ATP8B2: variants seen among roughly 807,000 people sequenced by gnomAD.
The protein encoded by ATP8B2 is phospholipid-transporting ATPase ID.
Under a neutral mutation model 133.4 loss-of-function variants are expected in ATP8B2, and 70 were observed. The ratio of observed to expected loss-of-function variants is 0.52; its 90% CI spans 0.43 to 0.64. The LOEUF (loss-of-function observed/expected upper bound fraction) is 0.64. Ranked by LOEUF, ATP8B2 falls within the 30% of genes least tolerant of loss-of-function variation. The probability of loss-of-function intolerance (pLI) is 0.00; values close to 1 mark genes in which losing one functional copy is unlikely to be tolerated. For synonymous variants in ATP8B2, 517 were observed against 589.5 expected, an observed-to-expected ratio of 0.88 and a Z score of 1.78; for missense variants, 1,101 against 1,535.7, an observed-to-expected ratio of 0.72 and a Z score of 4.73.
Position 154,330,733 on chromosome 1 carries a change from T to A in ATP8B2, c.91-82T>A. ...CTTTTGGGGTAGAGGTCTGGGGAAG[T>A]ATAAAGATGGGGGAGGCAGCCTCAG... On this transcript the variant is annotated intron_variant, in intron 3 of 27. Transcript: ENST00000368489. The A allele has an allele frequency of 3.3e-6, 4 of 1,203,844 alleles. No individual in the cohort carries two copies. In the East Asian group the frequency reaches 9.3e-5, roughly 28 times the overall value. 74.6% of individuals were successfully genotyped at this position (1,203,844 alleles called of 1,614,324 possible).
chr1:154,331,675 G>A lies in ATP8B2; in HGVS notation c.435G>A (p.Val145=). Residue 145 remains valine, a synonymous_variant, in exon 7 of 28, where the codon GTG becomes GTA. Coordinates refer to ENST00000368489, the MANE Select transcript of ATP8B2 (RefSeq NM_001370597.1). The surrounding 1 kb of genome is among the most constrained non-coding windows in gnomAD (Gnocchi z 4.8). ...TCAAGCTAGAAAATAACCAGTTTGT[G>A]GCGGTAAGGGACAGGGTACCCCTCT... ...DIIKLENNQF[V]AADLLLLSSS... is the part of the protein sequence containing the mutation. The A allele has an allele frequency of 1.2e-6, 2 of 1,614,018 alleles. No homozygotes were observed. Among genetic ancestry groups the A allele is most frequent in the Non-Finnish European group, 1.7e-6 (2 of 1,179,868 alleles).
intron 1 of ATP8B2, among the ~76,000 whole-genome samples, chr1:154,326,398 C>A (rs1011844328): frequency 1.3e-5 from 2 of 152,146 alleles, no homozygotes; most frequent in East Asian, 3.9e-4. Flanking sequence ...CTCCATGGAG[C>A]ATTGCCTGCT....
In ATP8B2 at chr1:154,344,992, A is replaced by G. The variant is rs1013930367; in HGVS notation, c.2308A>G (p.Met770Val). The change falls in exon 22 of 28, where the codon ATG becomes GTG. Residue 770 changes from methionine (M) to valine (V), a missense_variant. Coordinates refer to ENST00000368489, the MANE Select transcript of ATP8B2 (RefSeq NM_001370597.1). The surrounding 1 kb of genome is among the most constrained non-coding windows in gnomAD (Gnocchi z 4.1). ...HSLAHALEAD[M>V]ELEFLETACA... ...CCAGGCCCACGCACTGGAGGCAGAC[A>G]TGGAGCTGGAGTTTCTGGAGACAGC... 6 of 1,613,736 alleles carry G rather than the reference A, an allele frequency of 3.7e-6. No homozygotes were observed. In the African/African-American group the frequency reaches 5.3e-5, roughly 14 times the overall value.
rs776679821 is a variant in ATP8B2, at chr1:154,331,540, G to A, written c.365+35G>A. Reference sequence around the variant, plus strand: ...TGTTGGAGACAAGAGCTCTGGGGACGAAGGGGGTCCCTTAGGAACCTCTTT... The same window carrying A: ...TGTTGGAGACAAGAGCTCTGGGGACAAAGGGGGTCCCTTAGGAACCTCTTT... On this transcript the variant is annotated intron_variant, in intron 6 of 27. Coordinates refer to ENST00000368489, the MANE Select transcript of ATP8B2 (RefSeq NM_001370597.1). The surrounding 1 kb of genome is among the most constrained non-coding windows in gnomAD (Gnocchi z 4.8). 7 of 1,613,488 alleles carry A rather than the reference G, an allele frequency of 4.3e-6. No individual in the cohort carries two copies. Among genetic ancestry groups the A allele is most frequent in the African/African-American group, 1.3e-5 (1 of 74,920 alleles).
intron 13 of ATP8B2, among the ~76,000 whole-genome samples, chr1:154,342,111 A>G (rs938450003): frequency 3.3e-5 from 5 of 151,840 alleles, no homozygotes; most frequent in African/African-American, 1.2e-4. Flanking sequence ...TTCTGTACTG[A>G]CTGATGCCTT....
rs780772656 is a variant in ATP8B2, at chr1:154,344,977, G to A, written c.2293G>A (p.Ala765Thr). 39 of 1,612,122 alleles carry A rather than the reference G, an allele frequency of 2.4e-5. No individual in the cohort carries two copies. Among genetic ancestry groups the A allele is most frequent in the African/African-American group, 4.0e-5 (3 of 74,914 alleles). The change falls in exon 22 of 28, where the codon GCA becomes ACA. Residue 765 changes from alanine to threonine, a missense_variant. By Grantham distance (58) the Ala-to-Thr change is moderately conservative. Coordinates refer to ENST00000368489, the MANE Select transcript of ATP8B2 (RefSeq NM_001370597.1). This position sits in a 1 kb window ranked among gnomAD's most constrained non-coding sequence, Gnocchi z 4.1. Reference sequence around the variant, plus strand: ...AGGTTTCTCTGTGCTCCAGGCCCACGCACTGGAGGCAGACATGGAGCTGGA... The same window carrying A: ...AGGTTTCTCTGTGCTCCAGGCCCACACACTGGAGGCAGACATGGAGCTGGA... ...LVINGHSLAH[A>T]LEADMELEFL... is the part of the protein sequence containing the mutation.
In ATP8B2 at chr1:154,331,871, T is replaced by A; in HGVS notation, c.439-83T>A. 7.0e-7 allele frequency: 1 copy of A among 1,435,354 alleles called. No individual in the cohort carries two copies. Among genetic ancestry groups the A allele is most frequent in the Non-Finnish European group, 9.8e-7 (1 of 1,019,072 alleles). 88.9% of individuals were successfully genotyped at this position (1,435,354 alleles called of 1,614,324 possible). ...CACCTGGAACTAAGCAAACCAAGAA[T>A]GCTTAGTGGAAGGAGCCACCATTAC... On this transcript the variant is annotated intron_variant, in intron 7 of 27. Transcript: ENST00000368489. The surrounding 1 kb of genome is among the most constrained non-coding windows in gnomAD (Gnocchi z 4.8).
intron 2 of ATP8B2, among the ~76,000 whole-genome samples, chr1:154,329,708 C>T (rs1051819291): frequency 2.6e-5 from 4 of 152,180 alleles, no homozygotes; most frequent in Non-Finnish European, 5.9e-5. Flanking sequence ...ATTCCTCCCT[C>T]CTCTATCTCT....
In ATP8B2 at chr1:154,334,632, T is replaced by G; in HGVS notation, c.837+41T>G. 3 of 1,551,122 alleles carry G rather than the reference T, an allele frequency of 1.9e-6. No individual in the cohort carries two copies. Among genetic ancestry groups the G allele is most frequent in the Non-Finnish European group, 2.7e-6 (3 of 1,124,418 alleles). ...TCTGGCTCCCTGCCCCTGCCCTCTC[T>G]TCTCCTTGGGTGCTCCTTTTCCTTT... On this transcript the variant is annotated intron_variant, in intron 11 of 27. Transcript: ENST00000368489. This position sits in a 1 kb window ranked among gnomAD's most constrained non-coding sequence, Gnocchi z 4.6.
intron 2 of ATP8B2, among the ~76,000 whole-genome samples, chr1:154,329,485 C>A (rs1465698307): frequency 2.0e-5 from 3 of 152,020 alleles, no homozygotes; most frequent in Non-Finnish European, 4.4e-5. Context: ...TCATGGTGAC[C>A]CCCGGGGAGA....
chr1:154,347,683 A>G (rs1686629687), intron 26 of ATP8B2, among the ~76,000 whole-genome samples: 1 of 152,118 alleles, frequency 6.6e-6, no homozygotes. Flanking sequence ...GCTCAAGCCT[A>G]TAATCCCAGT....
chr1:154,327,139 C>T (rs965514077), intron 1 of ATP8B2, among the ~76,000 whole-genome samples: 1 of 152,194 alleles, frequency 6.6e-6, no homozygotes, highest in African/African-American at 2.4e-5. Context: ...CAATTAGTAT[C>T]TCTTGGGGCT....
At position 154,341,417 on chromosome 1, in the gene ATP8B2, T is replaced by C. The variant is rs1184404464; in HGVS notation, c.1243+355T>C. 4.2e-5 allele frequency: 15 copies of C among 360,250 alleles called. No homozygotes were observed. In the East Asian group the frequency reaches 9.0e-4, roughly 21 times the overall value. The allele number at this position is 360,250 out of a possible 1,614,324, so 22.3% of individuals were successfully genotyped here. A position where few individuals can be genotyped will look rare whatever the true frequency, so the allele number is the denominator to read the frequency against. Reference sequence around the variant, plus strand: ...CTGAGATGGGAGGATCACTTGAGCCTGGGAGGTCAAGGCTGCAGTGAGCCA... The same window carrying C: ...CTGAGATGGGAGGATCACTTGAGCCCGGGAGGTCAAGGCTGCAGTGAGCCA... On this transcript the variant is annotated intron_variant, in intron 13 of 27. Coordinates refer to ENST00000368489, the MANE Select transcript of ATP8B2 (RefSeq NM_001370597.1).
In ATP8B2 at chr1:154,345,085, G is replaced by C; in HGVS notation, c.2401G>C (p.Val801Leu). ...GCAGAAGGCACAGGTGGTAGAACTG[G>C]TCAAGAAGTACAAGAAGGCTGTGAC... ...PLQKAQVVEL[V>L]KKYKKAVTLA... is the part of the protein sequence containing the mutation. The change falls in exon 22 of 28, where the codon GTC (valine) becomes CTC (leucine). Residue 801 changes from valine (V) to leucine (L), a missense_variant. Coordinates refer to ENST00000368489, the MANE Select transcript of ATP8B2 (RefSeq NM_001370597.1). This position sits in a 1 kb window ranked among gnomAD's most constrained non-coding sequence, Gnocchi z 5.6. 1 of 1,614,218 alleles carries C rather than the reference G, an allele frequency of 6.2e-7. No individual in the cohort carries two copies. The highest frequency in any genetic ancestry group is 8.5e-7 in the Non-Finnish European group (1 of 1,180,038).
chr1:154,344,012 G>A lies in ATP8B2; in HGVS notation c.1878G>A (p.Glu626=), dbSNP rs376417419. 2 of 1,614,060 alleles carry A rather than the reference G, an allele frequency of 1.2e-6. No homozygotes were observed. The highest frequency in any genetic ancestry group is 2.2e-5 in the East Asian group (1 of 44,892). The change falls in exon 18 of 28, where the codon GAG becomes GAA. Residue 626 remains glutamate (E), a synonymous_variant. Transcript: ENST00000368489. The surrounding 1 kb of genome is among the most constrained non-coding windows in gnomAD (Gnocchi z 4.1). ...CCAGCCTGGCCCAGGACAGCCGGGA[G>A]GACAGGCTGGCTAGCATCTATGAGG... ...LQASLAQDSR[E]DRLASIYEEV...
At position 154,346,414 on chromosome 1, in the gene ATP8B2, GCTGA is replaced by G; in HGVS notation, c.2965_2968del (p.Asp989ThrfsTer79). ...CACCCGGGATGATGGCACTCAGCTG[GCTGA>G]CTACCAGTCCTTTGCAGTCACTGTG... On this transcript the variant is annotated frameshift_variant, in exon 25 of 28. Transcript: ENST00000368489. LOFTEE classifies it high-confidence loss of function. The surrounding 1 kb of genome is among the most constrained non-coding windows in gnomAD (Gnocchi z 4.5). 6.2e-7 allele frequency: 1 copy of G among 1,614,172 alleles called. No homozygotes were observed. The highest frequency in any genetic ancestry group is 8.5e-7 in the Non-Finnish European group (1 of 1,180,022).
At position 154,343,238 on chromosome 1, in the gene ATP8B2, A is replaced by G. The variant is rs1264280372; in HGVS notation, c.1579A>G (p.Ile527Val). The G allele has an allele frequency of 6.2e-7, 1 of 1,614,028 alleles. No individual in the cohort carries two copies. The highest frequency in any genetic ancestry group is 1.3e-5 in the African/African-American group (1 of 74,906). Reference protein sequence around the residue: ...TITVHEMGTAITYQLLAILDF... With the variant: ...TITVHEMGTAVTYQLLAILDF... ...CACCGTCCATGAGATGGGCACAGCC[A>G]TCACCTACCAGCTGCTGGCCATCCT... The change falls in exon 16 of 28, where the codon ATC becomes GTC. Residue 527 changes from isoleucine (I) to valine (V), a missense_variant. Physicochemically the swap from Ile to Val is conservative, Grantham distance 29 (BLOSUM62 3). Coordinates refer to ENST00000368489, the MANE Select transcript of ATP8B2 (RefSeq NM_001370597.1). This position sits in a 1 kb window ranked among gnomAD's most constrained non-coding sequence, Gnocchi z 5.8.
chr1:154,328,464 C>T lies in ATP8B2; in HGVS notation c.31+292C>T, dbSNP rs1685865737. Reference sequence around the variant, plus strand: ...CTGGCCTAGGGAGCTGTGTTCTCATCTCTGCTTGGTCCTCTCACCCCTTCC... The same window carrying T: ...CTGGCCTAGGGAGCTGTGTTCTCATTTCTGCTTGGTCCTCTCACCCCTTCC... On this transcript the variant is annotated intron_variant, in intron 2 of 27. Transcript: ENST00000368489. The surrounding 1 kb of genome is among the most constrained non-coding windows in gnomAD (Gnocchi z 4.6). Among the ~76,000 whole-genome samples the T allele has an allele frequency of 1.3e-5, 2 of 152,228 alleles. No individual in the cohort carries two copies. The highest frequency in any genetic ancestry group is 4.1e-4 in the South Asian group (2 of 4,834).
chr1:154,331,776 C>T lies in ATP8B2; in HGVS notation c.438+98C>T, dbSNP rs1351756811. Reference sequence around the variant, plus strand: ...GATTTACTGTTGCCTCTTAAACACCCGTGGCAGGAATCTTTCTCACACCAG... The same window carrying T: ...GATTTACTGTTGCCTCTTAAACACCTGTGGCAGGAATCTTTCTCACACCAG... On this transcript the variant is annotated intron_variant, in intron 7 of 27. Transcript: ENST00000368489. This position sits in a 1 kb window ranked among gnomAD's most constrained non-coding sequence, Gnocchi z 4.8. 9 of 1,406,110 alleles carry T rather than the reference C, an allele frequency of 6.4e-6. No homozygotes were observed. The highest frequency in any genetic ancestry group is 2.3e-5 in the South Asian group (2 of 86,392). 87.1% of individuals were successfully genotyped at this position (1,406,110 alleles called of 1,614,324 possible).
Sources: gnomAD v4.1 joint callset for allele counts (sites outside exome capture counted in the v4.1 genomes callset) on GRCh38, gnomAD v4.1.1 for gene constraint, Gnocchi (gnomAD v3.1) non-coding constraint, MANE v1.5 for transcripts, NCBI Gene and HGNC (gene_info 2026-07-23, HGNC 2026-07-21) for gene names.